GPC6: variants seen among roughly 807,000 people sequenced by gnomAD.
GPC6 encodes the protein glypican-6.
Under a neutral mutation model 55.2 loss-of-function variants are expected in GPC6, and 14 were observed. The ratio of observed to expected loss-of-function variants is 0.25; its 90% CI spans 0.17 to 0.40. GPC6 has a LOEUF of 0.40. Ranked by LOEUF, GPC6 falls within the 10% of genes least tolerant of loss-of-function variation. The probability of loss-of-function intolerance (pLI) is 1.00; values close to 1 mark genes in which losing one functional copy is unlikely to be tolerated. For synonymous variants in GPC6, 278 were observed against 259.6 expected (o/e 1.07, Z -0.68); for missense variants, 641 against 708.5 (o/e 0.90, Z 1.08).
chr13:93,599,237 T>G (rs1877902172), intron 2 of GPC6, among the ~76,000 whole-genome samples: 1 of 151,898 alleles, frequency 6.6e-6, no homozygotes, highest in African/African-American at 2.4e-5. Flanking sequence ...ATTTTATTGA[T>G]TTTTCAAGCT....
intron 1 of GPC6, among the ~76,000 whole-genome samples, chr13:93,542,830 G>A (rs1047103581): frequency 9.9e-5 from 15 of 152,174 alleles, no homozygotes; most frequent in African/African-American, 3.1e-4. Flanking sequence ...CTGTTTGTCT[G>A]TTATTGGTGT....
chr13:94,200,194 A>T (rs1889708020), intron 4 of GPC6, among the ~76,000 whole-genome samples: 3 of 151,652 alleles, frequency 2.0e-5, no homozygotes, highest in Admixed American at 2.0e-4. Flanking sequence ...CAGGATCCTT[A>T]CTTTGAACAT....
At chr13:94,328,850 C>G (rs75169813) in intron 6 of GPC6, among the ~76,000 whole-genome samples, 1 of 152,166 alleles carries the variant, frequency 6.6e-6, no homozygotes, top group Non-Finnish European at 1.5e-5. Context: ...AGGTCACTGC[C>G]CATCACCAAG....
chr13:94,215,270 T>TA (rs1566552792), intron 4 of GPC6, among the ~76,000 whole-genome samples: 15 of 152,066 alleles, frequency 9.9e-5, no homozygotes. Flanking sequence ...CTTGTGAAAA[T>TA]AAAGGGCTTC....
intron 2 of GPC6, among the ~76,000 whole-genome samples, chr13:93,644,798 A>G (rs182510600): frequency 8.7e-4 from 132 of 151,694 alleles, no homozygotes; most frequent in Non-Finnish European, 1.5e-3. Context: ...AAATAAATAA[A>G]TAAATAAATA....
chr13:94,047,787 T>G (rs1193939261), intron 4 of GPC6, among the ~76,000 whole-genome samples: 1 of 152,114 alleles, frequency 6.6e-6, no homozygotes, highest in Non-Finnish European at 1.5e-5. Flanking sequence ...TATATAACGT[T>G]TTGTTTAGTG....
chr13:93,420,329 T>C (rs1306433002), intron 1 of GPC6, among the ~76,000 whole-genome samples: 1 of 152,124 alleles, frequency 6.6e-6, no homozygotes, highest in African/African-American at 2.4e-5. Flanking sequence ...GGAAAGGTCT[T>C]TTGAGGAGGT....
intron 4 of GPC6, among the ~76,000 whole-genome samples, chr13:94,193,325 G>A (rs964179373): frequency 1.3e-5 from 2 of 152,062 alleles, no homozygotes; most frequent in Non-Finnish European, 2.9e-5. Flanking sequence ...CAGAGTCACC[G>A]AAGATGAAAA....
intron 2 of GPC6, among the ~76,000 whole-genome samples, chr13:93,759,910 G>A (rs1465919366): frequency 5.3e-5 from 8 of 151,594 alleles, no homozygotes; most frequent in South Asian, 4.2e-4. Context: ...AGAATGTACC[G>A]TCAGGTGTAG....
intron 1 of GPC6, among the ~76,000 whole-genome samples, chr13:93,464,793 T>A (rs968500220): frequency 6.6e-6 from 1 of 152,222 alleles, no homozygotes; most frequent in Admixed American, 6.5e-5. Flanking sequence ...CAGGAGGTTT[T>A]CAATTGACTT....
chr13:93,814,988 A>G (rs994957888), intron 2 of GPC6, among the ~76,000 whole-genome samples: 2 of 152,158 alleles, frequency 1.3e-5, no homozygotes. Flanking sequence ...AAACAAAACC[A>G]AAAAACAAAA....
intron 2 of GPC6, among the ~76,000 whole-genome samples, chr13:93,575,110 A>C (rs908393640): frequency 5.3e-5 from 8 of 152,118 alleles, no homozygotes; most frequent in African/African-American, 1.7e-4. Flanking sequence ...CTTGGGCAAC[A>C]CGGCGAAACC....
chr13:94,094,063 G>T (rs987450744), intron 4 of GPC6, among the ~76,000 whole-genome samples: 12 of 4,118 alleles, frequency 2.9e-3, no homozygotes, highest in Admixed American at 6.8e-3. Context: ...TGCCTTTTTC[G>T]AAATGAATTG....
intron 6 of GPC6, among the ~76,000 whole-genome samples, chr13:94,340,925 CTT>C (rs1396841934): frequency 6.6e-6 from 1 of 152,164 alleles, no homozygotes; most frequent in African/African-American, 2.4e-5. Flanking sequence ...TTCAAATAGT[CTT>C]TAGTATCTCT....
chr13:93,603,509 GTAT>G (rs1479886791), intron 2 of GPC6, among the ~76,000 whole-genome samples: 6 of 152,226 alleles, frequency 3.9e-5, no homozygotes, highest in African/African-American at 1.2e-4. Context: ...AACTACATAG[GTAT>G]TATTGTCCCC....
intron 1 of GPC6, among the ~76,000 whole-genome samples, chr13:93,375,508 T>A (rs1036053229): frequency 6.6e-6 from 1 of 152,204 alleles, no homozygotes; most frequent in Admixed American, 6.5e-5. Flanking sequence ...CACTGATATA[T>A]ACAATGGTAG....
intron 2 of GPC6, among the ~76,000 whole-genome samples, chr13:93,600,890 C>T (rs1234087227): frequency 6.0e-5 from 8 of 133,828 alleles, no homozygotes. Context: ...GCAGAGGTTG[C>T]AGTGAGCCGA....
At chr13:93,916,495 C>G (rs144625999) in intron 3 of GPC6, among the ~76,000 whole-genome samples, 3 of 152,238 alleles carry the variant, frequency 2.0e-5, no homozygotes, top group African/African-American at 7.2e-5. Context: ...AGTGTTATCC[C>G]CCAAACTCCA....
At chr13:93,291,332 C>T (rs543856553) in intron 1 of GPC6, among the ~76,000 whole-genome samples, 2 of 152,196 alleles carry the variant, frequency 1.3e-5, no homozygotes, top group East Asian at 3.9e-4. Flanking sequence ...GCCATTGTCT[C>T]TTGATTTCAA....
Sources: gnomAD v4.1 joint callset for allele counts (sites outside exome capture counted in the v4.1 genomes callset) on GRCh38, gnomAD v4.1.1 for gene constraint, MANE v1.5 for transcripts, NCBI Gene and HGNC (gene_info 2026-07-23, HGNC 2026-07-21) for gene names.